Variants in FBXL7 observed in about 807,000 individuals in gnomAD.
FBXL7 encodes the protein F-box and leucine rich repeat protein 7, also known as F-box/LRR-repeat protein 7.
Under a neutral mutation model 38.3 loss-of-function variants are expected in FBXL7, and 12 were observed. The ratio of observed to expected loss-of-function variants is 0.31; its 90% CI spans 0.20 to 0.51. The LOEUF is 0.51. Among genes scored for constraint, FBXL7 ranks in the 20% least tolerant of loss-of-function variants. The pLI is 0.98. For synonymous variants in FBXL7, 297 were observed against 300.9 expected (o/e 0.99, Z 0.13); for missense variants, 567 against 676.4 (o/e 0.84, Z 1.79).
intron 2 of FBXL7, among the ~76,000 whole-genome samples, chr5:15,668,368 T>TTGTGTGTGTGTGTGTGTG (rs148728974): frequency 2.1e-4 from 31 of 145,650 alleles, no homozygotes; most frequent in African/African-American, 7.8e-4. Flanking sequence ...ATATTTGTGT[T>TTGTGTGTGTGTGTGTGTG]TGTGTGTGTG....
intron 2 of FBXL7, among the ~76,000 whole-genome samples, chr5:15,854,547 A>C (rs1213588483): frequency 6.6e-6 from 1 of 152,208 alleles, no homozygotes; most frequent in Non-Finnish European, 1.5e-5. Flanking sequence ...TTCAAGTTCA[A>C]CTCAAATGCT....
intron 2 of FBXL7, among the ~76,000 whole-genome samples, chr5:15,858,822 T>C (rs1020296252): frequency 6.6e-6 from 1 of 152,150 alleles, no homozygotes; most frequent in African/African-American, 2.4e-5. Flanking sequence ...ATTTTTCCAC[T>C]TACTATACTC....
intron 2 of FBXL7, among the ~76,000 whole-genome samples, chr5:15,812,053 C>T (rs1158052689): frequency 1.3e-5 from 2 of 152,124 alleles, no homozygotes; most frequent in Admixed American, 1.3e-4. Flanking sequence ...TTTATTGCAG[C>T]ACTATTTACA....
chr5:15,912,608 C>A (rs753120915), intron 2 of FBXL7, among the ~76,000 whole-genome samples: 1 of 152,120 alleles, frequency 6.6e-6, no homozygotes, highest in Non-Finnish European at 1.5e-5. Flanking sequence ...TACTCCACAA[C>A]TGAATTTCCA....
At position 15,936,898 on chromosome 5, in the gene FBXL7, C is replaced by T. The variant is rs956227079; in HGVS notation, c.1188C>T (p.Tyr396=). The change falls in exon 4 of 4, where the codon TAC becomes TAT. Residue 396 remains tyrosine (Y), a synonymous_variant. Transcript: ENST00000504595. This position sits in a 1 kb window ranked among gnomAD's most constrained non-coding sequence, Gnocchi z 6.0. ...GCATCACGGACCACGGTGTGGAGTA[C>T]CTCGCCAAGAACTGCACCAAACTCA... The part of the protein sequence containing the change: ...CEGITDHGVE[Y]LAKNCTKLKS... The T allele has an allele frequency of 1.9e-5, 30 of 1,613,926 alleles. No homozygotes were observed. Among genetic ancestry groups the T allele is most frequent in the Non-Finnish European group, 2.5e-5 (29 of 1,179,902 alleles).
At chr5:15,713,256 G>A (rs1268890759) in intron 2 of FBXL7, among the ~76,000 whole-genome samples, 2 of 152,084 alleles carry the variant, frequency 1.3e-5, no homozygotes, top group Non-Finnish European at 2.9e-5. Flanking sequence ...CTCTTTATGC[G>A]ACCATCAGAT....
chr5:15,854,010 C>A (rs1394390034), intron 2 of FBXL7, among the ~76,000 whole-genome samples: 1 of 152,168 alleles, frequency 6.6e-6, no homozygotes, highest in African/African-American at 2.4e-5. Flanking sequence ...CAAAGGTCCT[C>A]TCTGCCAAGC....
chr5:15,576,740 A>T (rs2126461010), intron 1 of FBXL7, among the ~76,000 whole-genome samples: 1 of 152,092 alleles, frequency 6.6e-6, no homozygotes, highest in African/African-American at 2.4e-5. Flanking sequence ...TAAAGTTTAG[A>T]TGAGGTAGTT....
intron 3 of FBXL7, among the ~76,000 whole-genome samples, chr5:15,933,682 TTAG>T (rs1742099016): frequency 6.6e-6 from 1 of 152,212 alleles, no homozygotes; most frequent in African/African-American, 2.4e-5. Context: ...ATTCTTTGAC[TTAG>T]TAGCACGTGG....
chr5:15,570,950 G>A (rs1417913119), intron 1 of FBXL7, among the ~76,000 whole-genome samples: 1 of 152,022 alleles, frequency 6.6e-6, no homozygotes, highest in Non-Finnish European at 1.5e-5. Flanking sequence ...AAATTAGCAG[G>A]GTGTGGTGGC....
At chr5:15,606,239 T>A (rs1740009959) in intron 1 of FBXL7, among the ~76,000 whole-genome samples, 1 of 152,144 alleles carries the variant, frequency 6.6e-6, no homozygotes, top group South Asian at 2.1e-4. Context: ...TAGAAGGCCT[T>A]TATCATGTCT....
chr5:15,663,889 A>G (rs549371254), intron 2 of FBXL7, among the ~76,000 whole-genome samples: 1 of 152,304 alleles, frequency 6.6e-6, no homozygotes, highest in Admixed American at 6.5e-5. Flanking sequence ...GCTTTCTGAA[A>G]GTCAGTTATT....
rs531896167 is a variant in FBXL7 at position 15,893,008 on chromosome 5, C to G, written c.128-34882C>G. Among the ~76,000 whole-genome samples the G allele has an allele frequency of 7.3e-5, 11 of 151,526 alleles. No homozygotes were observed. In the South Asian group the frequency reaches 2.3e-3, roughly 32 times the overall value. On this transcript the variant is annotated intron_variant, in intron 2 of 3. Coordinates refer to ENST00000504595, the MANE Select transcript of FBXL7 (RefSeq NM_012304.5). The stretch of plus-strand genomic sequence containing the variant: ...GTGGGCACCTGTAGTCCCAGCTACT[C>G]GGGAGGCTGAGACAGGAGAATGGCG...
intron 2 of FBXL7, among the ~76,000 whole-genome samples, chr5:15,864,955 G>A (rs1306814292): frequency 1.3e-5 from 2 of 152,166 alleles, no homozygotes; most frequent in African/African-American, 4.8e-5. Context: ...CCTTTAGGCT[G>A]GCTAAATTCA....
At chr5:15,693,785 G>A (rs902436027) in intron 2 of FBXL7, among the ~76,000 whole-genome samples, 1 of 152,160 alleles carries the variant, frequency 6.6e-6, no homozygotes, top group Non-Finnish European at 1.5e-5. Flanking sequence ...GGTGGTTGGA[G>A]AAGAGCCTGG....
At chr5:15,914,478 G>C (rs982935820) in intron 2 of FBXL7, among the ~76,000 whole-genome samples, 1 of 151,898 alleles carries the variant, frequency 6.6e-6, no homozygotes, top group Non-Finnish European at 1.5e-5. Context: ...ATTTGGTTCT[G>C]AGATGCTTTA....
chr5:15,506,920 A>G lies in FBXL7; in HGVS notation c.37+6207A>G, dbSNP rs1035145284. Among the ~76,000 whole-genome samples, 11 of 151,206 alleles carry G rather than the reference A, an allele frequency of 7.3e-5. No homozygotes were observed. The South Asian group carries it at 1.5e-3, about 20-fold the overall frequency. On this transcript the variant is annotated intron_variant, in intron 1 of 3. Coordinates refer to ENST00000504595, the MANE Select transcript of FBXL7 (RefSeq NM_012304.5). ...AGGGCATAAATTTATCATTTTGCACAAAGTATAACATTATCCGTCTTCTGT... is the reference window on the plus strand; with the variant it reads ...AGGGCATAAATTTATCATTTTGCACGAAGTATAACATTATCCGTCTTCTGT...
chr5:15,520,577 T>G (rs1291411050), intron 1 of FBXL7, among the ~76,000 whole-genome samples: 1 of 152,220 alleles, frequency 6.6e-6, no homozygotes, highest in Admixed American at 6.5e-5. Flanking sequence ...TATCCTGTAG[T>G]TTTAGTTAGT....
intron 2 of FBXL7, among the ~76,000 whole-genome samples, chr5:15,727,504 G>T (rs1314472526): frequency 5.9e-5 from 9 of 152,054 alleles, no homozygotes; most frequent in Admixed American, 3.3e-4. Flanking sequence ...AGGTTTTTTT[G>T]TTTTGTTTTT....
Sources: allele counts gnomAD v4.1 joint callset (sites outside exome capture counted in the v4.1 genomes callset), GRCh38; gene constraint gnomAD v4.1.1; non-coding constraint Gnocchi (gnomAD v3.1); transcripts MANE v1.5; gene names NCBI Gene and HGNC (gene_info 2026-07-23, HGNC 2026-07-21).